The following CD72 variants were observed in gnomAD, a reference collection of about 807,000 sequenced individuals.
CD72 encodes B-cell differentiation antigen CD72.
Under a neutral mutation model 50.7 loss-of-function variants are expected in CD72, and 28 were observed. The observed-to-expected ratio is 0.55, with a 90% CI of 0.41 to 0.76. CD72 has a LOEUF of 0.76. Ranked by LOEUF, CD72 falls within the 30% of genes least tolerant of loss-of-function variation. The pLI is 0.00. For synonymous variants in CD72, 176 were observed against 171.2 expected (o/e 1.03, Z -0.22); for missense variants, 403 against 420.6 (o/e 0.96, Z 0.37).
At chr9:35,636,836 C>G (rs1205108904) in intron 1 of CD72, among the ~76,000 whole-genome samples, 1 of 152,084 alleles carries the variant, frequency 6.6e-6, no homozygotes, top group Non-Finnish European at 1.5e-5. Flanking sequence ...CCTCTGAGCC[C>G]AAGAAAAGCC....
intron 1 of CD72, among the ~76,000 whole-genome samples, chr9:35,624,746 T>C (rs1158710611): frequency 6.6e-6 from 1 of 152,204 alleles, no homozygotes; most frequent in Non-Finnish European, 1.5e-5. Context: ...CAGCACGTGC[T>C]CACTTCGTGT....
intron 1 of CD72, among the ~76,000 whole-genome samples, chr9:35,642,002 G>A (rs1033283309): frequency 2.6e-5 from 4 of 152,144 alleles, no homozygotes; most frequent in African/African-American, 9.7e-5. Flanking sequence ...TCTAGTTCCC[G>A]AGTGAGGGCT....
rs1470344290 is a variant in CD72, at chr9:35,618,023, C to A, written c.181G>T (p.Asp61Tyr). ...PSSLASSVLG[D>Y]KAAVKSEQPT... ...CCCAGGCTCTCCAGACCTGCTTTGT[C>A]CCCTAGTACAGAAGAAGCCAAGCTT... The change falls in exon 2 of 9, where the codon GAC becomes TAC. Residue 61 changes from aspartate (D) to tyrosine (Y), a missense_variant. Coordinates refer to ENST00000259633, the MANE Select transcript of CD72 (RefSeq NM_001782.3). The A allele has an allele frequency of 1.9e-6, 3 of 1,605,772 alleles. No individual in the cohort carries two copies. The highest frequency in any genetic ancestry group is 1.3e-5 in the African/African-American group (1 of 74,848).
Position 35,618,213 on chromosome 9 carries a change from C to T in CD72, c.82+9G>A. 1 of 1,613,450 alleles carries T rather than the reference C, an allele frequency of 6.2e-7. No individual in the cohort carries two copies. Among genetic ancestry groups the T allele is most frequent in the Admixed American group, 1.7e-5 (1 of 60,020 alleles). On this transcript the variant is annotated intron_variant, in intron 1 of 8. Transcript: ENST00000259633. ...ATGCAGGATCAAGGGGAGGCCTCAT[C>T]CCCCTTACCCTGTCCTAACCGGCTG...
chr9:35,638,792 C>T (rs542861577), intron 1 of CD72, among the ~76,000 whole-genome samples: 2 of 151,684 alleles, frequency 1.3e-5, no homozygotes, highest in Non-Finnish European at 2.9e-5. Flanking sequence ...CCCGAGAGGA[C>T]CCCCAAAGGA....
In CD72 at chr9:35,616,582, A is replaced by G; in HGVS notation, c.352+18T>C. 1 of 1,595,888 alleles carries G rather than the reference A, an allele frequency of 6.3e-7. No homozygotes were observed. The highest frequency in any genetic ancestry group is 8.6e-7 in the Non-Finnish European group (1 of 1,163,392). The stretch of plus-strand genomic sequence containing the variant: ...AAGTCGTTCGGTGTAAGTGGGAAGT[A>G]GGGACAGCCTTACTCACAGCGCACT... On this transcript the variant is annotated intron_variant, in intron 4 of 8. Coordinates refer to ENST00000259633, the MANE Select transcript of CD72 (RefSeq NM_001782.3).
chr9:35,612,849 G>A lies in CD72; in HGVS notation c.833C>T (p.Ser278Leu). 1 of 1,614,110 alleles carries A rather than the reference G, an allele frequency of 6.2e-7. No individual in the cohort carries two copies. The highest frequency in any genetic ancestry group is 1.3e-5 in the African/African-American group (1 of 75,044). The change falls in exon 6 of 9, where the codon TCA becomes TTA. Residue 278 changes from serine to leucine, a missense_variant and splice_region_variant. Coordinates refer to ENST00000259633, the MANE Select transcript of CD72 (RefSeq NM_001782.3). ...LATFSEIYPQ[S>L]HSYYFLNSLL... Reference sequence around the variant, plus strand: ...GTCTGTGAGTAAGGATATGCTTACTGATTGTGGATAAATTTCACTGAATGT... The same window carrying A: ...GTCTGTGAGTAAGGATATGCTTACTAATTGTGGATAAATTTCACTGAATGT...
chr9:35,618,041 C>T lies in CD72; in HGVS notation c.163G>A (p.Ala55Thr), dbSNP rs1489156178. ...GCTTTGTCCCCTAGTACAGAAGAAGCCAAGCTTGAGGGCACCCCTAGGACT... is the reference window on the plus strand; with the variant it reads ...GCTTTGTCCCCTAGTACAGAAGAAGTCAAGCTTGAGGGCACCCCTAGGACT... ...PAVLGVPSSL[A>T]SSVLGDKAAV... is the part of the protein sequence containing the mutation. Residue 55 changes from alanine (A) to threonine (T), a missense_variant, in exon 2 of 9, where the codon GCT becomes ACT. Transcript: ENST00000259633. 1.2e-6 allele frequency: 2 copies of T among 1,613,446 alleles called. No homozygotes were observed. Among genetic ancestry groups the T allele is most frequent in the Non-Finnish European group, 1.7e-6 (2 of 1,179,508 alleles).
chr9:35,613,246 C>A (rs1007505320), intron 5 of CD72, among the ~76,000 whole-genome samples: 1 of 152,110 alleles, frequency 6.6e-6, no homozygotes, highest in Non-Finnish European at 1.5e-5. Flanking sequence ...TTTATTACCC[C>A]AATTTCTGAA....
At chr9:35,626,110 T>C (rs924252535) in intron 1 of CD72, among the ~76,000 whole-genome samples, 2 of 151,186 alleles carry the variant, frequency 1.3e-5, no homozygotes, top group African/African-American at 4.9e-5. Context: ...CAAAGTAAAC[T>C]GAGAACCTTC....
chr9:35,616,884 T>C, intron 3 of CD72, 195 bp from the exon 4 acceptor site: 1 of 1,119,144 alleles, frequency 8.9e-7, no homozygotes, highest in East Asian at 2.6e-5. Context: ...TGTTCCAGAA[T>C]CAGTGCTGGT....
At chr9:35,629,760 C>A (rs1451697466) in intron 1 of CD72, among the ~76,000 whole-genome samples, 1 of 152,198 alleles carries the variant, frequency 6.6e-6, no homozygotes, top group Non-Finnish European at 1.5e-5. Flanking sequence ...AGAAGGTGTG[C>A]TTTTACCCAC....
intron 1 of CD72, among the ~76,000 whole-genome samples, chr9:35,645,379 G>A (rs1297448257): frequency 6.6e-6 from 1 of 151,916 alleles, no homozygotes; most frequent in Non-Finnish European, 1.5e-5. Flanking sequence ...GTCAGGAGTT[G>A]GAGACCGGCC....
chr9:35,644,350 CAAAA>C (rs74176726), intron 1 of CD72, among the ~76,000 whole-genome samples: 5 of 68,196 alleles, frequency 7.3e-5, no homozygotes, highest in Admixed American at 4.1e-4. Context: ...AACTCTGTCT[CAAAA>C]AAAAAAAAAA....
At chr9:35,622,373 G>C (rs984642542), upstream of CD72, among the ~76,000 whole-genome samples, 8 of 152,188 alleles carry the variant, frequency 5.3e-5, no homozygotes, top group African/African-American at 1.9e-4. Context: ...TGGTGACACA[G>C]AAAGCACGTT....
intron 1 of CD72, among the ~76,000 whole-genome samples, chr9:35,637,491 C>T (rs953329196): frequency 2.0e-5 from 3 of 152,200 alleles, no homozygotes; most frequent in Non-Finnish European, 4.4e-5. Flanking sequence ...ATTGGGTAAG[C>T]GGTCTTTTCA....
intron 1 of CD72, among the ~76,000 whole-genome samples, chr9:35,636,633 C>G (rs763096880): frequency 2.0e-5 from 3 of 152,178 alleles, no homozygotes; most frequent in Non-Finnish European, 4.4e-5. Context: ...TTCCAAAGAC[C>G]CTCTTCACCT....
At chr9:35,643,747 G>A (rs1823360394) in intron 1 of CD72, among the ~76,000 whole-genome samples, 1 of 152,176 alleles carries the variant, frequency 6.6e-6, no homozygotes, top group South Asian at 2.1e-4. Context: ...GGAGGCGGAG[G>A]CAGGCAGATC....
Position 35,618,120 on chromosome 9 carries a change from G to A in CD72, c.84C>T (p.Asp28=), listed in dbSNP as rs778149789. 9.3e-6 allele frequency: 15 copies of A among 1,613,174 alleles called. No individual in the cohort carries two copies. Among genetic ancestry groups the A allele is most frequent in the Non-Finnish European group, 1.3e-5 (15 of 1,179,170 alleles). ...TTTCCCCATCATCATCAGCCCCTGG[G>A]TCTAGAGAGAAGAGAAAAGGGACCA... ...KKSISSRLGQ[D]PGADDDGEIT... Residue 28 remains aspartate (D), a splice_region_variant and synonymous_variant, in exon 2 of 9, where the codon GAC becomes GAT. Transcript: ENST00000259633.
Sources: allele counts gnomAD v4.1 joint callset (sites outside exome capture counted in the v4.1 genomes callset), GRCh38; gene constraint gnomAD v4.1.1; transcripts MANE v1.5; gene names NCBI Gene and HGNC (gene_info 2026-07-23, HGNC 2026-07-21).